CHD3: variants seen among roughly 807,000 people sequenced by gnomAD.
CHD3 encodes the protein chromodomain helicase DNA binding protein 3.
CHD3 carries 52 observed loss-of-function variants against 248.9 expected under a neutral mutation model. The observed-to-expected ratio is 0.21, with a 90% CI of 0.17 to 0.26. The LOEUF (loss-of-function observed/expected upper bound fraction) is 0.26. Among genes scored for constraint, CHD3 ranks in the 10% least tolerant of loss-of-function variants. CHD3 has a pLI of 1.00. For synonymous variants in CHD3, 985 were observed against 985.2 expected, an observed-to-expected ratio of 1.00 and a Z score of 0.00; for missense variants, 1,482 against 2,605.8, an observed-to-expected ratio of 0.57 and a Z score of 9.39.
rs971097363 is a variant in CHD3, at chr17:7,889,887, G to C, written c.213+111G>C. ...GTGTGGGGGTGGGGTTCTGAAGCCA[G>C]GGAGGCTTGATCCCCCGGGCCCCCC... On this transcript the variant is annotated intron_variant, in intron 2 of 39. Coordinates refer to ENST00000330494, the MANE Select transcript of CHD3 (RefSeq NM_001005273.3). The surrounding 1 kb of genome is among the most constrained non-coding windows in gnomAD (Gnocchi z 4.5). The C allele has an allele frequency of 9.0e-7, 1 of 1,106,266 alleles. No individual in the cohort carries two copies. Among genetic ancestry groups the C allele is most frequent in the African/African-American group, 1.6e-5 (1 of 63,782 alleles). 68.5% of individuals were successfully genotyped at this position (1,106,266 alleles called of 1,614,324 possible). A position where few individuals can be genotyped will look rare whatever the true frequency, so the allele number is the denominator to read the frequency against.
chr17:7,884,839 G>T, upstream of CHD3: 1 of 1,061,178 alleles, frequency 9.4e-7, no homozygotes, highest in South Asian at 1.6e-5. Flanking sequence ...AGGAGGAGGA[G>T]GAGGAGGAGA....
At position 7,905,764 on chromosome 17, in the gene CHD3, G is replaced by A. The variant is rs1212629120; in HGVS notation, c.4224+58G>A. 3 of 1,613,182 alleles carry A rather than the reference G, an allele frequency of 1.9e-6. No individual in the cohort carries two copies. The Admixed American group carries it at 5.0e-5, about 27-fold the overall frequency. On this transcript the variant is annotated intron_variant, in intron 27 of 39. Coordinates refer to ENST00000330494, the MANE Select transcript of CHD3 (RefSeq NM_001005273.3). This position sits in a 1 kb window ranked among gnomAD's most constrained non-coding sequence, Gnocchi z 5.8. ...CAAGAGGGCATGAGGGCAGGAGGTT[G>A]GAAGTTGGTGCCTGGATCACTGAAG...
In CHD3 at chr17:7,902,032, G is replaced by T. The variant is rs140009880; in HGVS notation, c.3253-578G>T. The stretch of plus-strand genomic sequence containing the variant: ...ACTGCACATACAATGACACAATTTT[G>T]TACGGATTTTCAGGGGGTTCCTGGA... On this transcript the variant is annotated intron_variant, in intron 20 of 39. Coordinates refer to ENST00000330494, the MANE Select transcript of CHD3 (RefSeq NM_001005273.3). Among the ~76,000 whole-genome samples the T allele has an allele frequency of 3.1e-3, 468 of 152,278 alleles. 2 individuals are homozygous for T. The highest frequency in any genetic ancestry group is 0.02 in the Middle Eastern group (6 of 294).
intron 4 of CHD3, among the ~76,000 whole-genome samples, chr17:7,891,879 A>T (rs1054941666): frequency 5.9e-5 from 9 of 152,288 alleles, no homozygotes; most frequent in Non-Finnish European, 8.8e-5. Flanking sequence ...AAAAAAAGAA[A>T]AAATAGTGCC....
Position 7,911,009 on chromosome 17 carries a change from C to A in CHD3, c.5881+36C>A. Reference sequence around the variant, plus strand: ...GTTTTCCTACCCCCTGCTACTCACACTCCTCCTTTGCCAAACTTTATTTCT... The same window carrying A: ...GTTTTCCTACCCCCTGCTACTCACAATCCTCCTTTGCCAAACTTTATTTCT... On this transcript the variant is annotated intron_variant, in intron 39 of 39. Coordinates refer to ENST00000330494, the MANE Select transcript of CHD3 (RefSeq NM_001005273.3). The surrounding 1 kb of genome is among the most constrained non-coding windows in gnomAD (Gnocchi z 5.4). The A allele has an allele frequency of 1.2e-6, 2 of 1,609,794 alleles. No individual in the cohort carries two copies. The highest frequency in any genetic ancestry group is 1.7e-6 in the Non-Finnish European group (2 of 1,178,740).
rs1369011419 is a variant in CHD3 at position 7,890,617 on chromosome 17, A to AGTGGG, written c.262_263insGGGGT (p.Ser88TrpfsTer55). The AGTGGG allele has an allele frequency of 6.2e-7, 1 of 1,607,108 alleles. No individual in the cohort carries two copies. Among genetic ancestry groups the AGTGGG allele is most frequent in the East Asian group, 2.2e-5 (1 of 44,820 alleles). ...TCTGAGCGAGATGAGTACCGGGAGA[A>AGTGGG]GTCAGAGAGTGGGGGCAGTGAATAT... On this transcript the variant is annotated frameshift_variant, in exon 3 of 40. Transcript: ENST00000330494. LOFTEE classifies it high-confidence loss of function.
chr17:7,885,025 CCCGCCGCCGCCGCCG>C (rs759738955), upstream of CHD3: 63 of 1,161,148 alleles, frequency 5.4e-5, no homozygotes, highest in Non-Finnish European at 6.7e-5. Flanking sequence ...GCCACCTCTT[CCCGCCGCCGCCGCCG>C]CCGCCGCCAC....
rs1383381955 is a variant in CHD3 at position 7,911,100 on chromosome 17, A to T, written c.5881+127A>T. 8 of 1,366,824 alleles carry T rather than the reference A, an allele frequency of 5.9e-6. No homozygotes were observed. Among genetic ancestry groups the T allele is most frequent in the Non-Finnish European group, 8.2e-6 (8 of 978,634 alleles). The allele number at this position is 1,366,824 out of a possible 1,614,324, so 84.7% of individuals were successfully genotyped here. A position where few individuals can be genotyped will look rare whatever the true frequency, so the allele number is the denominator to read the frequency against. On this transcript the variant is annotated intron_variant, in intron 39 of 39. Coordinates refer to ENST00000330494, the MANE Select transcript of CHD3 (RefSeq NM_001005273.3). The surrounding 1 kb of genome is among the most constrained non-coding windows in gnomAD (Gnocchi z 5.4). ...TTGGTGGTATCCGGTGTTTTATGGG[A>T]TAGAGTTGTTCTAGGCTGTCCCCCC...
In CHD3 at chr17:7,907,703, G is replaced by A. The variant is rs1387145214; in HGVS notation, c.5026+1G>A. The stretch of plus-strand genomic sequence containing the variant: ...GAAACAGGGGATTTGGGCAAGAGAG[G>A]TAATGGGTGGAAGGGACCGGACACC... On this transcript the variant is annotated splice_donor_variant, in intron 33 of 39. Coordinates refer to ENST00000330494, the MANE Select transcript of CHD3 (RefSeq NM_001005273.3). LOFTEE classifies it high-confidence loss of function. The surrounding 1 kb of genome is among the most constrained non-coding windows in gnomAD (Gnocchi z 4.3). The A allele has an allele frequency of 6.5e-7, 1 of 1,529,650 alleles. No homozygotes were observed. Among genetic ancestry groups the A allele is most frequent in the Non-Finnish European group, 8.7e-7 (1 of 1,143,886 alleles). The allele number at this position is 1,529,650 out of a possible 1,614,324, so 94.8% of individuals were successfully genotyped here.
chr17:7,904,567 C>G lies in CHD3; in HGVS notation c.4020C>G (p.Gly1340=), dbSNP rs1158521655. ...QEDLARNLGK[G]KRVRKQVNYN... is the part of the protein sequence containing the mutation. ...ACCTAGCCCGGAATCTAGGCAAGGG[C>G]AAGCGGGTTCGCAAGCAAGTTAACT... Residue 1340 remains glycine (G), a synonymous_variant, in exon 25 of 40, where the codon GGC becomes GGG. Coordinates refer to ENST00000330494, the MANE Select transcript of CHD3 (RefSeq NM_001005273.3). This position sits in a 1 kb window ranked among gnomAD's most constrained non-coding sequence, Gnocchi z 4.4. The G allele has an allele frequency of 3.1e-6, 5 of 1,613,992 alleles. No individual in the cohort carries two copies. The highest frequency in any genetic ancestry group is 4.2e-6 in the Non-Finnish European group (5 of 1,180,026).
At chr17:7,887,289 C>A (rs1340574017), upstream of CHD3, among the ~76,000 whole-genome samples, 2 of 152,152 alleles carry the variant, frequency 1.3e-5, no homozygotes, top group African/African-American at 2.4e-5. Flanking sequence ...TTACTCAAGA[C>A]CAATTTTATC....
rs936633311 is a variant in CHD3 at position 7,909,361 on chromosome 17, G to A, written c.5590+23G>A. 2.0e-5 allele frequency: 30 copies of A among 1,522,862 alleles called. 1 individual carries two copies. Among genetic ancestry groups the A allele is most frequent in the South Asian group, 4.9e-5 (4 of 81,094 alleles). The allele number at this position is 1,522,862 out of a possible 1,614,324, so 94.3% of individuals were successfully genotyped here. A position where few individuals can be genotyped will look rare whatever the true frequency, so the allele number is the denominator to read the frequency against. The stretch of plus-strand genomic sequence containing the variant: ...AGGGTAAGGGCCGCGGCGGCCCCGC[G>A]CGGGGGAGGGCCCACAACGCTGCGT... On this transcript the variant is annotated intron_variant, in intron 37 of 39. Coordinates refer to ENST00000330494, the MANE Select transcript of CHD3 (RefSeq NM_001005273.3). This position sits in a 1 kb window ranked among gnomAD's most constrained non-coding sequence, Gnocchi z 8.1.
At chr17:7,885,960 C>T (rs1967872624), upstream of CHD3, among the ~76,000 whole-genome samples, 1 of 152,178 alleles carries the variant, frequency 6.6e-6, no homozygotes, top group Admixed American at 6.5e-5. Flanking sequence ...CAGATACCCC[C>T]GGCTCCACCC....
rs777326117 is a variant in CHD3 at position 7,909,250 on chromosome 17, C to G, written c.5502C>G (p.Ala1834=). The G allele has an allele frequency of 2.6e-6, 4 of 1,554,006 alleles. No homozygotes were observed. The highest frequency in any genetic ancestry group is 2.4e-5 in the South Asian group (2 of 84,300). ...HPAMALHARF[A]EAECLAESHQ... ...CCATGGCCCTCCACGCCCGCTTCGC[C>G]GAGGCCGAGTGCCTGGCCGAGAGCC... Residue 1834 remains alanine (A), a synonymous_variant, in exon 37 of 40, where the codon GCC becomes GCG. Coordinates refer to ENST00000330494, the MANE Select transcript of CHD3 (RefSeq NM_001005273.3). This position sits in a 1 kb window ranked among gnomAD's most constrained non-coding sequence, Gnocchi z 8.1.
In CHD3 at chr17:7,911,786, A is replaced by C; in HGVS notation, c.*201A>C. 2 of 1,464,128 alleles carry C rather than the reference A, an allele frequency of 1.4e-6. No homozygotes were observed. The highest frequency in any genetic ancestry group is 1.8e-6 in the Non-Finnish European group (2 of 1,090,990). The allele number at this position is 1,464,128 out of a possible 1,614,324, so 90.7% of individuals were successfully genotyped here. ...TCCACTCCCACACACCTTTCCCACC[A>C]AGCCTTGAAGACTGTGCTGGTGAGA... On this transcript the variant is annotated 3_prime_UTR_variant, in exon 40 of 40. Transcript: ENST00000330494. This position sits in a 1 kb window ranked among gnomAD's most constrained non-coding sequence, Gnocchi z 5.4.
At chr17:7,885,307 C>G (rs865989299), upstream of CHD3, 104 of 157,562 alleles carry the variant, frequency 6.6e-4, 1 homozygote, top group Middle Eastern at 3.1e-3. Context: ...GCACCCCTCC[C>G]CCGCCGCCGC....
Position 7,907,100 on chromosome 17 carries a change from CTT to C in CHD3, c.4667-24_4667-23del. The C allele has an allele frequency of 1.9e-6, 3 of 1,614,154 alleles. No homozygotes were observed. Among genetic ancestry groups the C allele is most frequent in the Non-Finnish European group, 2.5e-6 (3 of 1,180,002 alleles). The stretch of plus-strand genomic sequence containing the variant: ...GGAGTCAGGGCGGGAGAATCTCTGT[CTT>C]TATCACTGTGCCTTCCCCTGCAGCT... On this transcript the variant is annotated intron_variant, in intron 30 of 39. Coordinates refer to ENST00000330494, the MANE Select transcript of CHD3 (RefSeq NM_001005273.3). This position sits in a 1 kb window ranked among gnomAD's most constrained non-coding sequence, Gnocchi z 4.3.
In CHD3 at chr17:7,907,601, C is replaced by T; in HGVS notation, c.4925C>T (p.Ala1642Val). The T allele has an allele frequency of 6.6e-7, 1 of 1,512,428 alleles. No individual in the cohort carries two copies. The highest frequency in any genetic ancestry group is 8.8e-7 in the Non-Finnish European group (1 of 1,132,476). 93.7% of individuals were successfully genotyped at this position (1,512,428 alleles called of 1,614,324 possible). ...TCCTATCCCCTACCCCCTCCCACAG[C>T]CACAGAGTCGACGCCAGGAGAAAGG... ...PGYRGDREKS[A>V]TESTPGERGE... is the part of the protein sequence containing the mutation. Residue 1642 changes from alanine to valine, a missense_variant and splice_region_variant, in exon 33 of 40, where the codon GCC becomes GTC. Ala to Val is a moderately conservative substitution (Grantham distance 64). Around this residue, in one of 20 missense-constraint regions of CHD3, gnomAD observed 254 missense variants for 266.7 expected, o/e 0.95. Coordinates refer to ENST00000330494, the MANE Select transcript of CHD3 (RefSeq NM_001005273.3). The surrounding 1 kb of genome is among the most constrained non-coding windows in gnomAD (Gnocchi z 4.3).
At chr17:7,896,783 T>G (rs549748291) in intron 10 of CHD3, among the ~76,000 whole-genome samples, 59 of 151,966 alleles carry the variant, frequency 3.9e-4, no homozygotes, top group African/African-American at 1.3e-3. Context: ...CTCAGCCTCC[T>G]GAGTATCTGG....
Sources: gnomAD v4.1 joint callset for allele counts (sites outside exome capture counted in the v4.1 genomes callset) on GRCh38, gnomAD v4.1.1 for gene constraint, gnomAD v4.1.1 regional missense constraint, Gnocchi (gnomAD v3.1) non-coding constraint, MANE v1.5 for transcripts, NCBI Gene and HGNC (gene_info 2026-07-23, HGNC 2026-07-21) for gene names.